ADAMTS17: variants seen among roughly 807,000 people sequenced by gnomAD.
The protein encoded by ADAMTS17 is ADAM metallopeptidase with thrombospondin type 1 motif 17.
Under a neutral mutation model 141.5 loss-of-function variants are expected in ADAMTS17, and 113 were observed. That is an observed-to-expected ratio of 0.80 (90% CI 0.69 to 0.93). The LOEUF (loss-of-function observed/expected upper bound fraction) is 0.93. Ranked by LOEUF, ADAMTS17 falls within the 40% of genes least tolerant of loss-of-function variation. The pLI, the probability that ADAMTS17 is intolerant of heterozygous loss-of-function variation, is 0.00. For synonymous variants in ADAMTS17, 768 were observed against 630.6 expected (o/e 1.22, Z -3.27); for missense variants, 1,659 against 1,517.9 (o/e 1.09, Z -1.54).
chr15:100,202,411 A>C (rs893249358), intron 7 of ADAMTS17, among the ~76,000 whole-genome samples: 10 of 152,184 alleles, frequency 6.6e-5, no homozygotes, highest in African/African-American at 2.4e-4. Flanking sequence ...TCCAGTCGTG[A>C]CCAGCCTGGT....
intron 3 of ADAMTS17, among the ~76,000 whole-genome samples, chr15:100,315,328 G>A (rs2045530959): frequency 6.6e-6 from 1 of 152,150 alleles, no homozygotes; most frequent in South Asian, 2.1e-4. Flanking sequence ...ACCCTTCCCA[G>A]GGAACACTGC....
intron 3 of ADAMTS17, among the ~76,000 whole-genome samples, chr15:100,302,792 A>G (rs2045087187): frequency 6.6e-6 from 1 of 152,214 alleles, no homozygotes. Context: ...GTATTGCCAC[A>G]GGACATTCAC....
intron 7 of ADAMTS17, among the ~76,000 whole-genome samples, chr15:100,228,910 G>A (rs994389454): frequency 5.3e-5 from 8 of 152,202 alleles, no homozygotes; most frequent in Non-Finnish European, 1.0e-4. Context: ...TCTACGAGGG[G>A]GCCATTGCCC....
intron 3 of ADAMTS17, among the ~76,000 whole-genome samples, chr15:100,283,515 C>T (rs137871541): frequency 3.1e-3 from 476 of 152,338 alleles, no homozygotes; most frequent in African/African-American, 0.011. Context: ...TTCTCCCAGG[C>T]GATCAGGTAT....
intron 20 of ADAMTS17, among the ~76,000 whole-genome samples, chr15:99,977,362 AT>A (rs1567631919): frequency 0.15 from 1,188 of 7,914 alleles, 104 homozygotes; most frequent in Non-Finnish European, 0.2. Flanking sequence ...ATATATATAT[AT>A]ATATATATAT....
intron 9 of ADAMTS17, among the ~76,000 whole-genome samples, 182 bp from the exon 10 acceptor site, chr15:100,152,944 C>G (rs1244270759): frequency 9.2e-5 from 2 of 21,812 alleles, no homozygotes; most frequent in African/African-American, 1.6e-4. Context: ...TCCTCTTTTT[C>G]TACATGGCCA....
Position 99,974,207 on chromosome 15 carries a change from G to A in ADAMTS17, c.*195C>T. 1 of 671,648 alleles carries A rather than the reference G, an allele frequency of 1.5e-6. No individual in the cohort carries two copies. The highest frequency in any genetic ancestry group is 1.9e-5 in the South Asian group (1 of 53,944). 41.6% of individuals were successfully genotyped at this position (671,648 alleles called of 1,614,324 possible). A position where few individuals can be genotyped will look rare whatever the true frequency, so the allele number is the denominator to read the frequency against. On this transcript the variant is annotated 3_prime_UTR_variant, in exon 22 of 22. Transcript: ENST00000268070. ...TCATGCCTACTTTCTCCTCACTGTAGAAAGCCAGCCAGTGGCTGTTAACAA... is the reference window on the plus strand; with the variant it reads ...TCATGCCTACTTTCTCCTCACTGTAAAAAGCCAGCCAGTGGCTGTTAACAA...
chr15:100,144,961 C>G (rs1160713400), intron 10 of ADAMTS17, among the ~76,000 whole-genome samples: 1 of 152,184 alleles, frequency 6.6e-6, no homozygotes, highest in Non-Finnish European at 1.5e-5. Context: ...TCTTTTCTTA[C>G]TTCTCTATAT....
intron 8 of ADAMTS17, among the ~76,000 whole-genome samples, chr15:100,162,020 A>G (rs1230743647): frequency 6.6e-6 from 1 of 152,238 alleles, no homozygotes; most frequent in Non-Finnish European, 1.5e-5. Context: ...GTACCATGTC[A>G]GTAAGAATCA....
chr15:100,246,305 T>C (rs2042984877), intron 7 of ADAMTS17, among the ~76,000 whole-genome samples: 1 of 152,198 alleles, frequency 6.6e-6, no homozygotes, highest in Non-Finnish European at 1.5e-5. Flanking sequence ...CTAAGTCTTT[T>C]AAGCAGATGG....
chr15:100,338,514 C>T (rs566301397), intron 2 of ADAMTS17, among the ~76,000 whole-genome samples: 22 of 152,278 alleles, frequency 1.4e-4, no homozygotes, highest in South Asian at 8.3e-4. Flanking sequence ...GTATGCCATC[C>T]GTAGCTGTAG....
chr15:100,005,231 G>A (rs1460267913), intron 18 of ADAMTS17, among the ~76,000 whole-genome samples: 1 of 152,186 alleles, frequency 6.6e-6, no homozygotes, highest in African/African-American at 2.4e-5. Flanking sequence ...GTGACCATAT[G>A]AGACCCTGTA....
intron 13 of ADAMTS17, among the ~76,000 whole-genome samples, chr15:100,115,310 G>A (rs2037046563): frequency 6.6e-6 from 1 of 152,206 alleles, no homozygotes; most frequent in Non-Finnish European, 1.5e-5. Context: ...AGCCGCACAC[G>A]TTCCTTCTAG....
At chr15:100,144,952 C>T (rs879350189) in intron 10 of ADAMTS17, among the ~76,000 whole-genome samples, 2 of 152,156 alleles carry the variant, frequency 1.3e-5, no homozygotes, top group African/African-American at 2.4e-5. Context: ...TACCCAGTTT[C>T]TTTTCTTACT....
chr15:100,015,276 T>G (rs967810387), intron 18 of ADAMTS17, among the ~76,000 whole-genome samples: 3 of 152,204 alleles, frequency 2.0e-5, no homozygotes, highest in Non-Finnish European at 4.4e-5. Context: ...AGATGGTTGG[T>G]TGGTGAGTTC....
At chr15:100,205,013 T>C (rs1387611584) in intron 7 of ADAMTS17, among the ~76,000 whole-genome samples, 1 of 152,150 alleles carries the variant, frequency 6.6e-6, no homozygotes, top group African/African-American at 2.4e-5. Context: ...ATGTGAGCTG[T>C]TGCTTCATGA....
rs554734797 is a variant in ADAMTS17, at chr15:100,090,691, C to T, written c.2137+5665G>A. On this transcript the variant is annotated intron_variant, in intron 15 of 21. Transcript: ENST00000268070. ...TGCATGCGCTCTGCTAACCGTCCTA[C>T]GACAAGTTTCTCTGTTCATGATAAA... is the stretch of plus-strand genomic sequence containing the variant. 9.6e-4 allele frequency among the ~76,000 whole-genome samples: 146 copies of T among 152,266 alleles called. 1 individual carries two copies. Among genetic ancestry groups the T allele is most frequent in the Admixed American group, 8.8e-3 (135 of 15,290 alleles).
chr15:100,338,564 CA>C (rs1309208517), intron 2 of ADAMTS17, among the ~76,000 whole-genome samples: 2 of 152,216 alleles, frequency 1.3e-5, no homozygotes, highest in African/African-American at 4.8e-5. Context: ...GCAGCTGCAA[CA>C]AAGGCTATGT....
At chr15:100,079,778 C>T (rs149007781) in intron 15 of ADAMTS17, among the ~76,000 whole-genome samples, 239 of 152,248 alleles carry the variant, frequency 1.6e-3, no homozygotes, top group Non-Finnish European at 3.0e-3. Flanking sequence ...CGTGGAGTCT[C>T]GGAATGCCTT....
Sources: allele counts gnomAD v4.1 joint callset (sites outside exome capture counted in the v4.1 genomes callset), GRCh38; gene constraint gnomAD v4.1.1; transcripts MANE v1.5; gene names NCBI Gene and HGNC (gene_info 2026-07-23, HGNC 2026-07-21).